ARID1B: variants seen among roughly 807,000 people sequenced by gnomAD.
ARID1B encodes the protein AT-rich interaction domain 1B.
ARID1B carries 30 observed loss-of-function variants against 212.3 expected under a neutral mutation model. The ratio of observed to expected loss-of-function variants is 0.14; its 90% confidence interval spans 0.11 to 0.19. The LOEUF (loss-of-function observed/expected upper bound fraction) is 0.19, where lower values mean the gene tolerates loss of function less well. ARID1B is among the 10% of genes least tolerant of loss of function. The pLI is 1.00. For missense variants in ARID1B, 2,891 were observed against 3,204.0 expected (o/e 0.90, Z 2.36); for synonymous variants, 1,402 against 1,301.7 (o/e 1.08, Z -1.66).
chr6:156,948,358 G>A (rs1018405018), intron 4 of ARID1B, among the ~76,000 whole-genome samples: 2 of 152,074 alleles, frequency 1.3e-5, no homozygotes, highest in African/African-American at 2.4e-5. Context: ...AACTATAGGC[G>A]TGTGCCACCA....
chr6:156,794,350 A>C (rs1322108873), intron 1 of ARID1B, among the ~76,000 whole-genome samples: 2 of 151,900 alleles, frequency 1.3e-5, no homozygotes, highest in Non-Finnish European at 2.9e-5. Context: ...CCTGGGCCCA[A>C]GCAATCCTCC....
At position 156,812,991 on chromosome 6, in the gene ARID1B, C is replaced by T. The variant is rs917401414; in HGVS notation, c.1792-16236C>T. ...GTGTGTGTGTGTATGTATATACATA[C>T]GTATGTATATACATATATATACACA... On this transcript the variant is annotated intron_variant, in intron 1 of 19. Transcript: ENST00000636930. Among the ~76,000 whole-genome samples the T allele has an allele frequency of 1.8e-4, 20 of 111,454 alleles. No individual in the cohort carries two copies. In the East Asian group the frequency reaches 4.2e-3, roughly 23 times the overall value. 73.1% of individuals were successfully genotyped at this position (111,454 alleles called of 152,430 possible).
chr6:156,850,151 A>G (rs1346395704), intron 2 of ARID1B, among the ~76,000 whole-genome samples: 1 of 151,696 alleles, frequency 6.6e-6, no homozygotes, highest in Non-Finnish European at 1.5e-5. Context: ...GACAGGCTGC[A>G]CTGTACACAA....
At chr6:156,852,398 T>C (rs1212096010) in intron 2 of ARID1B, among the ~76,000 whole-genome samples, 1 of 151,230 alleles carries the variant, frequency 6.6e-6, no homozygotes, top group Non-Finnish European at 1.5e-5. Flanking sequence ...CAGTGAGCTG[T>C]GATGAGGCAA....
In ARID1B at chr6:157,190,826, T is replaced by C. The variant is rs1240397901; in HGVS notation, c.4231+616T>C. Among the ~76,000 whole-genome samples, 1 of 150,606 alleles carries C rather than the reference T, an allele frequency of 6.6e-6. No homozygotes were observed. The highest frequency in any genetic ancestry group is 2.5e-5 in the African/African-American group (1 of 40,792). On this transcript the variant is annotated intron_variant, in intron 15 of 19. Coordinates refer to ENST00000636930, the MANE Select transcript of ARID1B (RefSeq NM_001374828.1). The surrounding 1 kb of genome is among the most constrained non-coding windows in gnomAD (Gnocchi z 4.6). ...AAGGAAGAAAGGATACAGATAGCAG[T>C]GGCACTGGGTGGCGCGGTGGGAGAG...
At chr6:156,814,105 T>C (rs1425015648) in intron 1 of ARID1B, among the ~76,000 whole-genome samples, 1 of 152,120 alleles carries the variant, frequency 6.6e-6, no homozygotes, top group African/African-American at 2.4e-5. Flanking sequence ...CAAAATTCCA[T>C]GTACTGAAAG....
intron 4 of ARID1B, among the ~76,000 whole-genome samples, chr6:157,063,414 G>A (rs1434470078): frequency 4.6e-5 from 7 of 152,152 alleles, no homozygotes; most frequent in Non-Finnish European, 1.0e-4. Flanking sequence ...ATACTGTGAG[G>A]CATGCGGCTA....
At chr6:157,117,290 A>G (rs991303693) in intron 6 of ARID1B, among the ~76,000 whole-genome samples, 2 of 152,208 alleles carry the variant, frequency 1.3e-5, no homozygotes, top group African/African-American at 4.8e-5. Context: ...TGAATATTTC[A>G]TTATTCAATA....
chr6:157,121,842 G>A (rs569455847), intron 6 of ARID1B, among the ~76,000 whole-genome samples: 2 of 152,262 alleles, frequency 1.3e-5, no homozygotes, highest in South Asian at 4.1e-4. Context: ...ATGTTGGCCA[G>A]GCTGGTCTTG....
At position 156,834,598 on chromosome 6, in the gene ARID1B, C is replaced by T. The variant is rs946549503; in HGVS notation, c.1986+5177C>T. 2.9e-4 allele frequency among the ~76,000 whole-genome samples: 44 copies of T among 152,114 alleles called. 1 individual carries two copies. Among genetic ancestry groups the T allele is most frequent in the Non-Finnish European group, 5.9e-5 (4 of 68,036 alleles). The stretch of plus-strand genomic sequence containing the variant: ...AACACACAAATGAAATGAAGGTGAA[C>T]ATTTTGGCCAGTAAAATAATGAAAT... On this transcript the variant is annotated intron_variant, in intron 2 of 19. Coordinates refer to ENST00000636930, the MANE Select transcript of ARID1B (RefSeq NM_001374828.1).
At chr6:157,105,345 A>G (rs796300043) in intron 5 of ARID1B, among the ~76,000 whole-genome samples, 27 of 152,330 alleles carry the variant, frequency 1.8e-4, no homozygotes, top group African/African-American at 6.5e-4. Context: ...AATTTCCGCT[A>G]CAAAAGACAC....
intron 1 of ARID1B, among the ~76,000 whole-genome samples, chr6:156,788,762 A>G (rs1490695062): frequency 6.6e-6 from 1 of 152,198 alleles, no homozygotes; most frequent in African/African-American, 2.4e-5. Context: ...TGTCAAATCT[A>G]AGAGTACCGG....
At chr6:157,138,412 AT>A in intron 7 of ARID1B, among the ~76,000 whole-genome samples, 1 of 151,864 alleles carries the variant, frequency 6.6e-6, no homozygotes, top group Non-Finnish European at 1.5e-5. Flanking sequence ...TTTTTTTTGT[AT>A]TTTTTGTAGA....
intron 1 of ARID1B, among the ~76,000 whole-genome samples, chr6:156,804,101 T>C (rs1422579624): frequency 3.9e-5 from 6 of 152,020 alleles, no homozygotes; most frequent in African/African-American, 1.5e-4. Context: ...TTTGGGAGGC[T>C]GAGACTGGCT....
chr6:157,025,599 T>C (rs1348760223), intron 4 of ARID1B, among the ~76,000 whole-genome samples: 1 of 145,616 alleles, frequency 6.9e-6, no homozygotes, highest in Non-Finnish European at 1.5e-5. Context: ...CTTAGCACAG[T>C]GCATTTGAGA....
At chr6:156,855,698 A>G (rs527679761) in intron 2 of ARID1B, among the ~76,000 whole-genome samples, 4 of 152,262 alleles carry the variant, frequency 2.6e-5, no homozygotes, top group Admixed American at 6.5e-5. Context: ...GGAGCCCTAA[A>G]TTGTGTGTGT....
rs989253714 is a variant in ARID1B, at chr6:157,210,205, A to G, written c.*2314A>G. On this transcript the variant is annotated 3_prime_UTR_variant, in exon 20 of 20. Transcript: ENST00000636930. ...CAAATATATGTTGAATTAAAGACCC[A>G]TTTATAATTCTGCTTTAAATACATC... is the stretch of plus-strand genomic sequence containing the variant. 2 of 231,826 alleles carry G rather than the reference A, an allele frequency of 8.6e-6. No individual in the cohort carries two copies. Among genetic ancestry groups the G allele is most frequent in the African/African-American group, 2.2e-5 (1 of 45,254 alleles). The allele number at this position is 231,826 out of a possible 1,614,324, so 14.4% of individuals were successfully genotyped here.
At chr6:156,788,612 T>C (rs1779805503) in intron 1 of ARID1B, among the ~76,000 whole-genome samples, 1 of 152,208 alleles carries the variant, frequency 6.6e-6, no homozygotes, top group African/African-American at 2.4e-5. Flanking sequence ...TGCTAGACTT[T>C]GGTCTCTCAT....
At chr6:157,146,625 T>C (rs758590856) in intron 7 of ARID1B, among the ~76,000 whole-genome samples, 37 of 152,208 alleles carry the variant, frequency 2.4e-4, no homozygotes, top group Middle Eastern at 6.8e-3. Context: ...CACACACACA[T>C]GCATACCCAT....
Sources: gnomAD v4.1 joint callset for allele counts (sites outside exome capture counted in the v4.1 genomes callset) on GRCh38, gnomAD v4.1.1 for gene constraint, Gnocchi (gnomAD v3.1) non-coding constraint, MANE v1.5 for transcripts, NCBI Gene and HGNC (gene_info 2026-07-23, HGNC 2026-07-21) for gene names.